KAT6A: variants seen among roughly 807,000 people sequenced by gnomAD.
KAT6A encodes the protein lysine acetyltransferase 6A.
KAT6A carries 9 observed loss-of-function variants against 198.4 expected under a neutral mutation model. The ratio of observed to expected loss-of-function variants is 0.05; its 90% CI spans 0.03 to 0.08. The LOEUF (loss-of-function observed/expected upper bound fraction) is 0.08, where lower values mean the gene tolerates loss of function less well. Ranked by LOEUF, KAT6A falls within the 10% of genes least tolerant of loss-of-function variation. KAT6A has a pLI of 1.00. For missense variants in KAT6A, 2,077 were observed against 2,509.9 expected (o/e 0.83, Z 3.69); for synonymous variants, 890 against 883.0 (o/e 1.01, Z -0.14).
chr8:42,013,950 C>T (rs78940422), intron 2 of KAT6A, among the ~76,000 whole-genome samples: 15,915 of 151,974 alleles, frequency 0.1, 1,074 homozygotes, highest in East Asian at 0.25. Flanking sequence ...CTGTTAAAAC[C>T]ACTCAAGTCT....
intron 2 of KAT6A, 75 bp from the exon 3 acceptor site, chr8:41,987,638 G>A: frequency 1.1e-6 from 1 of 881,998 alleles, no homozygotes; most frequent in Non-Finnish European, 1.8e-6. Flanking sequence ...CAAAATTATA[G>A]TTTTAAATTC....
chr8:41,995,066 AT>A (rs1225317474), intron 2 of KAT6A, among the ~76,000 whole-genome samples: 1 of 152,010 alleles, frequency 6.6e-6, no homozygotes, highest in East Asian at 1.9e-4. Context: ...CAAAAAAAAA[AT>A]AAAAATAAAA....
At chr8:41,994,154 G>C (rs572853841) in intron 2 of KAT6A, among the ~76,000 whole-genome samples, 1 of 152,258 alleles carries the variant, frequency 6.6e-6, no homozygotes, top group East Asian at 1.9e-4. Context: ...TCTATATAAA[G>C]TAAACCTGTT....
At chr8:42,021,026 T>C (rs1292157448) in intron 2 of KAT6A, among the ~76,000 whole-genome samples, 3 of 152,148 alleles carry the variant, frequency 2.0e-5, no homozygotes, top group Non-Finnish European at 2.9e-5. Flanking sequence ...ATGAGGAAGT[T>C]TGCTGTCCTT....
At chr8:42,027,756 T>G (rs1587842612) in intron 2 of KAT6A, among the ~76,000 whole-genome samples, 1 of 152,134 alleles carries the variant, frequency 6.6e-6, no homozygotes, top group East Asian at 1.9e-4. Flanking sequence ...ATTCTTTGTA[T>G]TTTTTCAGTT....
chr8:41,998,065 T>A (rs1380366417), intron 2 of KAT6A, among the ~76,000 whole-genome samples: 1 of 152,118 alleles, frequency 6.6e-6, no homozygotes, highest in Non-Finnish European at 1.5e-5. Context: ...CAATACACAG[T>A]AAGAAGTCTA....
chr8:41,996,890 C>T lies in KAT6A; in HGVS notation c.601-9327G>A, dbSNP rs544162339. Among the ~76,000 whole-genome samples the T allele has an allele frequency of 9.9e-5, 15 of 152,110 alleles. No individual in the cohort carries two copies. The South Asian group carries it at 3.1e-3, about 32-fold the overall frequency. ...ATGTTCAACTATAATTATTGCAACT[C>T]GTTTCTTTAAAATCTAGTAGTGTAC... On this transcript the variant is annotated intron_variant, in intron 2 of 16. Transcript: ENST00000265713.
chr8:42,044,966 A>G (rs927039471), intron 2 of KAT6A, among the ~76,000 whole-genome samples: 8 of 152,344 alleles, frequency 5.3e-5, no homozygotes, highest in Middle Eastern at 3.4e-3. Context: ...AGTTCGAAGG[A>G]GAGGAAAGAA....
intron 2 of KAT6A, among the ~76,000 whole-genome samples, chr8:42,021,308 C>A (rs978472818): frequency 1.3e-5 from 2 of 152,066 alleles, no homozygotes. Context: ...CAAACTGATA[C>A]TTTGTTTTGT....
At position 42,026,255 on chromosome 8, in the gene KAT6A, G is replaced by T. The variant is rs140691056; in HGVS notation, c.600+22123C>A. ...ATCAGGATTGCTTTGGCTACTCAGGGTCTTTTGTGGTTCCGTAAAAATTTT... is the reference window on the plus strand; with the variant it reads ...ATCAGGATTGCTTTGGCTACTCAGGTTCTTTTGTGGTTCCGTAAAAATTTT... On this transcript the variant is annotated intron_variant, in intron 2 of 16. Coordinates refer to ENST00000265713, the MANE Select transcript of KAT6A (RefSeq NM_006766.5). Among the ~76,000 whole-genome samples the T allele has an allele frequency of 9.2e-5, 14 of 152,198 alleles. 1 individual carries two copies. In the East Asian group the frequency reaches 2.7e-3, roughly 29 times the overall value.
chr8:41,933,238 G>GGCTGTGGCT lies in KAT6A; in HGVS notation c.4973_4981dup (p.Gln1658_Gln1660dup), dbSNP rs755864529. The stretch of plus-strand genomic sequence containing the variant: ...TGCTGGTTGTGGTTGTGGCGGCGGC[G>GGCTGTGGCT]GCTGTGGCTGCTGTGGAGGCGGTGG... On this transcript the variant is annotated inframe_insertion, in exon 17 of 17. Transcript: ENST00000265713. The surrounding 1 kb of genome is among the most constrained non-coding windows in gnomAD (Gnocchi z 6.2). 3.9e-6 allele frequency: 6 copies of GGCTGTGGCT among 1,551,118 alleles called. No individual in the cohort carries two copies. The highest frequency in any genetic ancestry group is 3.5e-5 in the South Asian group (3 of 85,230).
In KAT6A at chr8:41,930,726, ATATTTTTTTTTTT is replaced by A; in HGVS notation, c.*1466_*1478del. ...TGTGTGTGTGTATATATATATATAT[ATATTTTTTTTTTT>A]TTTTTTTTTTTTTTTACCTATCCCT... On this transcript the variant is annotated 3_prime_UTR_variant, in exon 17 of 17. Coordinates refer to ENST00000265713, the MANE Select transcript of KAT6A (RefSeq NM_006766.5). 1 of 91,640 alleles carries A rather than the reference ATATTTTTTTTTTT, an allele frequency of 1.1e-5. No individual in the cohort carries two copies. Among genetic ancestry groups the A allele is most frequent in the Non-Finnish European group, 2.1e-5 (1 of 47,694 alleles). 5.7% of individuals were successfully genotyped at this position (91,640 alleles called of 1,614,324 possible).
intron 2 of KAT6A, among the ~76,000 whole-genome samples, chr8:42,042,234 G>A (rs191470685): frequency 0.015 from 2,251 of 152,062 alleles, 51 homozygotes; most frequent in African/African-American, 0.051. Context: ...CGAGGCAGGC[G>A]GATCATGAGG....
intron 2 of KAT6A, among the ~76,000 whole-genome samples, chr8:42,040,411 G>A (rs903209688): frequency 1.3e-5 from 2 of 152,026 alleles, no homozygotes; most frequent in African/African-American, 4.8e-5. Context: ...GTACTTATTC[G>A]CTAGAAAAAT....
rs540196595 is a variant in KAT6A, at chr8:42,046,120, G to C, written c.600+2258C>G. Among the ~76,000 whole-genome samples the C allele has an allele frequency of 5.3e-5, 8 of 152,188 alleles. No individual in the cohort carries two copies. In the South Asian group the frequency reaches 1.7e-3, roughly 32 times the overall value. On this transcript the variant is annotated intron_variant, in intron 2 of 16. Coordinates refer to ENST00000265713, the MANE Select transcript of KAT6A (RefSeq NM_006766.5). ...GTAAAATCTCAGGGTTCTAGGACTT[G>C]GATTTGTCTTGCACTGTACTATATT...
At chr8:42,018,179 A>G (rs1826360706) in intron 2 of KAT6A, among the ~76,000 whole-genome samples, 1 of 152,252 alleles carries the variant, frequency 6.6e-6, no homozygotes, top group Non-Finnish European at 1.5e-5. Flanking sequence ...ATTCCAAGTT[A>G]GTTTAACTAC....
chr8:42,030,509 A>C (rs1395566322), intron 2 of KAT6A, among the ~76,000 whole-genome samples: 2 of 151,932 alleles, frequency 1.3e-5, no homozygotes, highest in Non-Finnish European at 2.9e-5. Context: ...TCCTCTAGTC[A>C]CCCATCTTTA....
At chr8:42,013,156 C>T (rs1826100620) in intron 2 of KAT6A, among the ~76,000 whole-genome samples, 1 of 149,838 alleles carries the variant, frequency 6.7e-6, no homozygotes, top group African/African-American at 2.5e-5. Context: ...TTTATCAAAA[C>T]TCATAAAAGT....
intron 8 of KAT6A, among the ~76,000 whole-genome samples, chr8:41,971,139 G>A (rs955891484): frequency 7.3e-5 from 11 of 151,424 alleles, no homozygotes; most frequent in African/African-American, 2.4e-4. Flanking sequence ...GAGTTAATGG[G>A]TGCAGCACAC....
Sources: gnomAD v4.1 joint callset for allele counts (sites outside exome capture counted in the v4.1 genomes callset) on GRCh38, gnomAD v4.1.1 for gene constraint, Gnocchi (gnomAD v3.1) non-coding constraint, MANE v1.5 for transcripts, NCBI Gene and HGNC (gene_info 2026-07-23, HGNC 2026-07-21) for gene names.